The following NUCKS1 variants were observed in gnomAD, a reference collection of about 807,000 sequenced individuals.
NUCKS1 encodes nuclear ubiquitous casein and cyclin-dependent kinase substrate 1.
In NUCKS1, 2 loss-of-function variants were observed where a neutral mutation model predicts 33.0. That is an observed-to-expected ratio of 0.06 (90% CI 0.02 to 0.19). The LOEUF is 0.19. NUCKS1 is among the 10% of genes least tolerant of loss of function. The pLI is 1.00. For missense variants in NUCKS1, 201 were observed against 293.6 expected, an observed-to-expected ratio of 0.68 and a Z score of 2.31; for synonymous variants, 106 against 102.8, an observed-to-expected ratio of 1.03 and a Z score of -0.19.
intron 1 of NUCKS1, among the ~76,000 whole-genome samples, chr1:205,739,997 G>GTTTTTTTTTTTTTTTTTTTTTTTTTT (rs60866378): frequency 1.2e-5 from 1 of 81,764 alleles, no homozygotes; most frequent in Non-Finnish European, 2.2e-5. Flanking sequence ...TTTACTTTAG[G>GTTTTTTTTTTTTTTTTTTTTTTTTTT]TTTTTTTTTT....
chr1:205,721,025 T>C (rs886374228), intron 4 of NUCKS1, among the ~76,000 whole-genome samples: 12 of 149,564 alleles, frequency 8.0e-5, no homozygotes, highest in Admixed American at 1.3e-4. Flanking sequence ...GACCAAACAC[T>C]GCCATGTTCT....
At chr1:205,749,801 G>A (rs1447704000) in intron 1 of NUCKS1, among the ~76,000 whole-genome samples, 156 bp downstream of exon 1, 2 of 151,354 alleles carry the variant, frequency 1.3e-5, no homozygotes, top group African/African-American at 4.8e-5. Flanking sequence ...CGCGCCAGCA[G>A]GGCCCCCCAC....
At chr1:205,732,797 T>G (rs1653947483) in intron 1 of NUCKS1, among the ~76,000 whole-genome samples, 5 of 63,908 alleles carry the variant, frequency 7.8e-5, no homozygotes, top group Admixed American at 2.9e-4. Context: ...AAAAAAAAAG[T>G]TAAGATGGTA....
intron 4 of NUCKS1, among the ~76,000 whole-genome samples, chr1:205,723,713 G>C (rs923336558): frequency 6.6e-6 from 1 of 151,982 alleles, no homozygotes; most frequent in African/African-American, 2.4e-5. Context: ...AGAAATTTTG[G>C]GACAGGACCC....
chr1:205,746,453 T>TCTCTCA (rs1491545867), intron 1 of NUCKS1, among the ~76,000 whole-genome samples: 1 of 124,510 alleles, frequency 8.0e-6, no homozygotes, highest in African/African-American at 3.1e-5. Flanking sequence ...TCTCTCTCTC[T>TCTCTCA]CACACACACA....
At chr1:205,720,357 C>T (rs550447683) in intron 5 of NUCKS1, 144 bp downstream of exon 5, 19 of 718,258 alleles carry the variant, frequency 2.6e-5, no homozygotes, top group Admixed American at 8.9e-5. Flanking sequence ...GGAACCAATA[C>T]AGTCATCTCT....
chr1:205,743,823 G>T (rs538691143), intron 1 of NUCKS1, among the ~76,000 whole-genome samples: 2 of 152,298 alleles, frequency 1.3e-5, no homozygotes, highest in Admixed American at 1.3e-4. Context: ...ACTGATGACA[G>T]TGAGTTAGTG....
In NUCKS1 at chr1:205,750,152, C is replaced by A. The variant is rs949904006; in HGVS notation, c.-179G>T. 7.8e-6 allele frequency: 5 copies of A among 642,810 alleles called. No individual in the cohort carries two copies. Among genetic ancestry groups the A allele is most frequent in the South Asian group, 7.3e-5 (4 of 54,968 alleles). The allele number at this position is 642,810 out of a possible 1,614,324, so 39.8% of individuals were successfully genotyped here. ...GTTCAGGGCTCCTGGAACAGACGAG[C>A]CCCCCGCTCCCCCGTCTCTTCAAAA... On this transcript the variant is annotated 5_prime_UTR_variant, in exon 1 of 7. Transcript: ENST00000367142.
rs367811234 is a variant in NUCKS1 at position 205,727,727 on chromosome 1, C to A, written c.146G>T (p.Arg49Leu). ...SSPREAKNKRRSGKNSQEDSE... is the reference protein window; with the variant it reads ...SSPREAKNKRLSGKNSQEDSE... ...ATCTTCCTGTGAATTCTTTCCAGAT[C>A]GCCTCTTATTTTTAGCTTCTCGGGG... is the stretch of plus-strand genomic sequence containing the variant. Residue 49 changes from arginine (R) to leucine (L), a missense_variant, in exon 3 of 7, where the codon CGA (arginine) becomes CTA (leucine). Coordinates refer to ENST00000367142, the MANE Select transcript of NUCKS1 (RefSeq NM_022731.5). The A allele has an allele frequency of 1.9e-6, 3 of 1,613,006 alleles. No homozygotes were observed. Among genetic ancestry groups the A allele is most frequent in the African/African-American group, 2.7e-5 (2 of 74,812 alleles).
At chr1:205,721,711 T>C (rs1268054504) in intron 4 of NUCKS1, among the ~76,000 whole-genome samples, 2 of 152,172 alleles carry the variant, frequency 1.3e-5, no homozygotes, top group East Asian at 3.9e-4. Context: ...TTTGCTCTTG[T>C]TGCCCAGGCT....
chr1:205,750,043 G>GCCCCCCCCCCC lies in NUCKS1; in HGVS notation c.-71_-70insGGGGGGGGGGG. ...ACCCCCCCCACCCCGCGCGCTCGGCGCCCCACCCCCCCCGAACTTCAGCCG... is the reference window on the plus strand; with the variant it reads ...ACCCCCCCCACCCCGCGCGCTCGGCGCCCCCCCCCCCCCCCACCCCCCCCGAACTTCAGCCG... On this transcript the variant is annotated 5_prime_UTR_variant, in exon 1 of 7. Transcript: ENST00000367142. 1.6e-6 allele frequency: 2 copies of GCCCCCCCCCCC among 1,271,644 alleles called. No homozygotes were observed. Among genetic ancestry groups the GCCCCCCCCCCC allele is most frequent in the Admixed American group, 2.8e-5 (1 of 35,914 alleles). The allele number at this position is 1,271,644 out of a possible 1,614,324, so 78.8% of individuals were successfully genotyped here. A position where few individuals can be genotyped will look rare whatever the true frequency, so the allele number is the denominator to read the frequency against.
At chr1:205,719,853 T>G in intron 5 of NUCKS1, 177 bp from the exon 6 acceptor site, 2 of 590,378 alleles carry the variant, frequency 3.4e-6, no homozygotes. Context: ...ATTTGTCAAA[T>G]GGATTTTGCA....
chr1:205,742,548 GA>G (rs2102447254), intron 1 of NUCKS1, among the ~76,000 whole-genome samples: 1 of 152,192 alleles, frequency 6.6e-6, no homozygotes, highest in East Asian at 1.9e-4. Flanking sequence ...CCTGGGGCCG[GA>G]CGCTGTGGCT....
intron 1 of NUCKS1, among the ~76,000 whole-genome samples, chr1:205,738,958 AAAG>A (rs1437364655): frequency 6.6e-6 from 1 of 152,206 alleles, no homozygotes; most frequent in Non-Finnish European, 1.5e-5. Flanking sequence ...GACACCTCCA[AAAG>A]CAAACATTAT....
At chr1:205,747,618 C>A (rs1342387514) in intron 1 of NUCKS1, among the ~76,000 whole-genome samples, 1 of 152,134 alleles carries the variant, frequency 6.6e-6, no homozygotes, top group Non-Finnish European at 1.5e-5. Flanking sequence ...AGAAAAACTG[C>A]AAAATTATAC....
chr1:205,739,570 T>C (rs1489668846), intron 1 of NUCKS1, among the ~76,000 whole-genome samples: 2 of 152,100 alleles, frequency 1.3e-5, no homozygotes, highest in African/African-American at 4.8e-5. Context: ...CCTCCTGGGC[T>C]CAAGCGATCT....
intron 4 of NUCKS1, among the ~76,000 whole-genome samples, chr1:205,720,872 T>C (rs1250959203): frequency 6.6e-6 from 1 of 152,164 alleles, no homozygotes; most frequent in East Asian, 1.9e-4. Context: ...TGCCCATCAA[T>C]GATAGACTGG....
rs2102427911 is a variant in NUCKS1 at position 205,717,235 on chromosome 1, A to G, written c.*1045T>C. ...TGGGACCTGAATGCACATTTATAGC[A>G]TAAAAGAATGTCAATTCTATTTCAT... On this transcript the variant is annotated 3_prime_UTR_variant, in exon 7 of 7. Coordinates refer to ENST00000367142, the MANE Select transcript of NUCKS1 (RefSeq NM_022731.5). 1.2e-6 allele frequency: 1 copy of G among 848,342 alleles called. No homozygotes were observed. Among genetic ancestry groups the G allele is most frequent in the South Asian group, 5.4e-5 (1 of 18,610 alleles). 52.6% of individuals were successfully genotyped at this position (848,342 alleles called of 1,614,324 possible).
At chr1:205,729,541 A>G (rs1419599508) in intron 2 of NUCKS1, 31 bp downstream of exon 2, 2 of 1,547,288 alleles carry the variant, frequency 1.3e-6, no homozygotes, top group African/African-American at 1.4e-5. Flanking sequence ...GGTCAGTCCA[A>G]CTTAAAATTT....
Sources: gnomAD v4.1 joint callset for allele counts (sites outside exome capture counted in the v4.1 genomes callset) on GRCh38, gnomAD v4.1.1 for gene constraint, MANE v1.5 for transcripts, NCBI Gene and HGNC (gene_info 2026-07-23, HGNC 2026-07-21) for gene names.